HORMAD1: variants seen among roughly 807,000 people sequenced by gnomAD.
HORMAD1 encodes HORMA domain-containing protein 1.
In HORMAD1, 33 loss-of-function variants were observed where a neutral mutation model predicts 58.2. The ratio of observed to expected loss-of-function variants is 0.57; its 90% CI spans 0.43 to 0.76. The LOEUF is 0.76. HORMAD1 is among the 30% of genes least tolerant of loss of function. The probability of loss-of-function intolerance (pLI) is 0.00; values close to 1 mark genes in which losing one functional copy is unlikely to be tolerated. For missense variants in HORMAD1, 363 were observed against 462.0 expected, an observed-to-expected ratio of 0.79 and a Z score of 1.96; for synonymous variants, 137 against 144.6, an observed-to-expected ratio of 0.95 and a Z score of 0.38.
chr1:150,704,063 TA>T, intron 12 of HORMAD1, 54 bp downstream of exon 12: 1 of 1,147,682 alleles, frequency 8.7e-7, no homozygotes, highest in Non-Finnish European at 1.2e-6. Context: ...AATTAGCGCA[TA>T]AGCAACTGTC....
At chr1:150,703,263 G>C in intron 13 of HORMAD1, 47 bp downstream of exon 13, 1 of 947,340 alleles carries the variant, frequency 1.1e-6, no homozygotes, top group South Asian at 1.5e-5. Context: ...ACATATGGGG[G>C]AGAATTACAA....
chr1:150,699,980 A>G, intron 14 of HORMAD1, 132 bp downstream of exon 14: 1 of 495,398 alleles, frequency 2.0e-6, no homozygotes, highest in Non-Finnish European at 3.5e-6. Flanking sequence ...AAATATATTT[A>G]AACAAAATTT....
At chr1:150,704,467 C>G (rs941263447) in intron 10 of HORMAD1, 124 bp from the exon 11 acceptor site, 2 of 644,044 alleles carry the variant, frequency 3.1e-6, no homozygotes, top group Non-Finnish European at 5.2e-6. Flanking sequence ...AACTACTGGC[C>G]GGGCATGGTG....
At chr1:150,710,896 C>CCTGG (rs1651856278) in intron 7 of HORMAD1, among the ~76,000 whole-genome samples, 1 of 152,182 alleles carries the variant, frequency 6.6e-6, no homozygotes, top group Non-Finnish European at 1.5e-5. Context: ...GGTTCAAAAA[C>CCTGG]CTGGTTCTGC....
intron 3 of HORMAD1, among the ~76,000 whole-genome samples, chr1:150,715,499 T>C (rs1652040453): frequency 6.6e-6 from 1 of 152,198 alleles, no homozygotes; most frequent in South Asian, 2.1e-4. Context: ...GCTTAACATA[T>C]TGCCCAGCAC....
At chr1:150,713,543 A>C (rs1651968649) in intron 5 of HORMAD1, among the ~76,000 whole-genome samples, 2 of 152,142 alleles carry the variant, frequency 1.3e-5, no homozygotes, top group South Asian at 4.1e-4. Flanking sequence ...CTCAAAAAAA[A>C]AAAAATTTCA....
intron 13 of HORMAD1, among the ~76,000 whole-genome samples, chr1:150,702,667 T>C (rs1447551151): frequency 6.6e-6 from 1 of 152,084 alleles, no homozygotes; most frequent in African/African-American, 2.4e-5. Flanking sequence ...CACCACATGT[T>C]CTCACTTATA....
chr1:150,714,539 C>A, intron 4 of HORMAD1, 76 bp downstream of exon 4: 2 of 697,400 alleles, frequency 2.9e-6, no homozygotes, highest in Admixed American at 3.4e-5. Context: ...GGTTAAACAC[C>A]AAAGGTATCC....
chr1:150,705,252 G>T (rs986679451), intron 10 of HORMAD1, among the ~76,000 whole-genome samples: 3 of 151,846 alleles, frequency 2.0e-5, no homozygotes, highest in Non-Finnish European at 4.4e-5. Flanking sequence ...TCGGCCAGGC[G>T]TGGTGGCTCA....
intron 1 of HORMAD1, among the ~76,000 whole-genome samples, 172 bp from the exon 2 acceptor site, chr1:150,719,710 A>G (rs1302890145): frequency 6.6e-6 from 1 of 152,222 alleles, no homozygotes; most frequent in Non-Finnish European, 1.5e-5. Flanking sequence ...CATTTTGAGT[A>G]GGGTCCTGAT....
Position 150,714,686 on chromosome 1 carries a change from CA to C in HORMAD1, c.179-9del. ...GTATTTTGACACAAAGATCTAAACA[CA>C]AAAATGATGAAATATAGAGTTACTT... is the stretch of plus-strand genomic sequence containing the variant. On this transcript the variant is annotated splice_polypyrimidine_tract_variant and intron_variant, in intron 3 of 14. Coordinates refer to ENST00000361824, the MANE Select transcript of HORMAD1 (RefSeq NM_032132.5). The C allele has an allele frequency of 1.4e-6, 2 of 1,422,076 alleles. No homozygotes were observed. Among genetic ancestry groups the C allele is most frequent in the Non-Finnish European group, 1.9e-6 (2 of 1,041,084 alleles). 88.1% of individuals were successfully genotyped at this position (1,422,076 alleles called of 1,614,324 possible). A position where few individuals can be genotyped will look rare whatever the true frequency, so the allele number is the denominator to read the frequency against.
chr1:150,698,616 G>T lies in HORMAD1; in HGVS notation c.*38C>A. The T allele has an allele frequency of 9.3e-7, 1 of 1,077,484 alleles. No homozygotes were observed. The highest frequency in any genetic ancestry group is 1.4e-6 in the Non-Finnish European group (1 of 705,892). The allele number at this position is 1,077,484 out of a possible 1,614,324, so 66.7% of individuals were successfully genotyped here. On this transcript the variant is annotated 3_prime_UTR_variant, in exon 15 of 15. Transcript: ENST00000361824. ...TATAGGGTCCTTCAGTTTAAATGGT[G>T]AGAAGAACTCTGCAAGCCTGCAGAA...
At chr1:150,703,415 A>G in intron 12 of HORMAD1, 22 bp from the exon 13 acceptor site, 1 of 1,305,744 alleles carries the variant, frequency 7.7e-7, no homozygotes, top group Middle Eastern at 2.1e-4. Context: ...AATAATTACA[A>G]AAAATATAAC....
chr1:150,716,475 A>G (rs1652081527), intron 3 of HORMAD1, among the ~76,000 whole-genome samples: 1 of 151,628 alleles, frequency 6.6e-6, no homozygotes, highest in Non-Finnish European at 1.5e-5. Context: ...CACATTTTAT[A>G]TTATTTCATT....
chr1:150,712,703 C>T (rs971070380), intron 5 of HORMAD1, among the ~76,000 whole-genome samples: 3 of 152,092 alleles, frequency 2.0e-5, no homozygotes, highest in Admixed American at 6.6e-5. Flanking sequence ...CGCGCCAACA[C>T]GCCTAGCTCA....
At chr1:150,712,496 C>T (rs1651932901) in intron 5 of HORMAD1, among the ~76,000 whole-genome samples, 1 of 152,142 alleles carries the variant, frequency 6.6e-6, no homozygotes, top group African/African-American at 2.4e-5. Flanking sequence ...TCTCCTTACT[C>T]CCAATCTTAA....
intron 8 of HORMAD1, 56 bp from the exon 9 acceptor site, chr1:150,708,463 T>C (rs1217835089): frequency 8.8e-7 from 1 of 1,133,670 alleles, no homozygotes; most frequent in Middle Eastern, 2.9e-4. Flanking sequence ...TCTAATATCA[T>C]AACTTTACAT....
chr1:150,710,982 T>C (rs141933135), intron 7 of HORMAD1, among the ~76,000 whole-genome samples: 5 of 152,310 alleles, frequency 3.3e-5, no homozygotes, highest in East Asian at 1.9e-4. Flanking sequence ...GAGATGCTAA[T>C]AGTGGTTACC....
intron 12 of HORMAD1, among the ~76,000 whole-genome samples, chr1:150,703,675 T>A (rs1001643260): frequency 6.6e-6 from 1 of 152,154 alleles, no homozygotes; most frequent in Non-Finnish European, 1.5e-5. Flanking sequence ...ATTTGAGAAA[T>A]GGGCTGGGCA....
Sources: allele counts gnomAD v4.1 joint callset (sites outside exome capture counted in the v4.1 genomes callset), GRCh38; gene constraint gnomAD v4.1.1; transcripts MANE v1.5; gene names NCBI Gene and HGNC (gene_info 2026-07-23, HGNC 2026-07-21).